The following DAO variants were observed in gnomAD, a reference collection of about 807,000 sequenced individuals.
DAO encodes D-amino-acid oxidase.
DAO carries 51 observed loss-of-function variants against 50.1 expected under a neutral mutation model. The ratio of observed to expected loss-of-function variants is 1.02; its 90% confidence interval spans 0.81 to 1.29. The LOEUF (loss-of-function observed/expected upper bound fraction) is 1.29, where lower values mean the gene tolerates loss of function less well. DAO is among the 50% of genes most tolerant of loss of function. The pLI is 0.00. For missense variants in DAO, 436 were observed against 439.4 expected (o/e 0.99, Z 0.07); for synonymous variants, 160 against 166.2 (o/e 0.96, Z 0.29).
At chr12:108,883,557 G>A in intron 1 of DAO, 1 of 453,742 alleles carries the variant, frequency 2.2e-6, no homozygotes, top group Non-Finnish European at 4.4e-6. Context: ...TGCCAGGCGT[G>A]GTACCAAGAA....
chr12:108,893,900 C>T (rs1026875764), intron 6 of DAO, among the ~76,000 whole-genome samples: 1 of 152,142 alleles, frequency 6.6e-6, no homozygotes, highest in African/African-American at 2.4e-5. Context: ...TCTCTGCTTC[C>T]TTTCTGACTT....
Position 108,899,551 on chromosome 12 carries a change from T to C in DAO, c.912+76T>C, listed in dbSNP as rs115068921. 1.4e-3 allele frequency: 1,765 copies of C among 1,260,554 alleles called. 26 individuals are homozygous for C. The African/African-American group carries it at 0.023, about 17-fold the overall frequency. 78.1% of individuals were successfully genotyped at this position (1,260,554 alleles called of 1,614,324 possible). A position where few individuals can be genotyped will look rare whatever the true frequency, so the allele number is the denominator to read the frequency against. On this transcript the variant is annotated intron_variant, in intron 10 of 10. Coordinates refer to ENST00000228476, the MANE Select transcript of DAO (RefSeq NM_001917.5). ...CTCTGGCATTTTCAGGGAACAGTCA[T>C]GTCTGATCTCAAGTTCCACACAGGC... is the stretch of plus-strand genomic sequence containing the variant.
rs868284288 is a variant in DAO, at chr12:108,898,882, G to A, written c.813+86G>A. 1.2e-4 allele frequency: 98 copies of A among 851,606 alleles called. No homozygotes were observed. In the Middle Eastern group the frequency reaches 5.5e-3, roughly 48 times the overall value. The allele number at this position is 851,606 out of a possible 1,614,324, so 52.8% of individuals were successfully genotyped here. Reference sequence around the variant, plus strand: ...CACTTCAGGACGGGAAGATGCCACCGCTGGGATAACTGGGCAAATTAATTC... The same window carrying A: ...CACTTCAGGACGGGAAGATGCCACCACTGGGATAACTGGGCAAATTAATTC... On this transcript the variant is annotated intron_variant, in intron 9 of 10. Coordinates refer to ENST00000228476, the MANE Select transcript of DAO (RefSeq NM_001917.5).
intron 1 of DAO, among the ~76,000 whole-genome samples, chr12:108,883,955 T>C (rs1470333961): frequency 6.6e-6 from 1 of 152,176 alleles, no homozygotes; most frequent in Admixed American, 6.5e-5. Flanking sequence ...GGAGGAGAGT[T>C]GTGAGTGAAG....
chr12:108,889,641 C>A, intron 4 of DAO, 96 bp downstream of exon 4: 2 of 947,184 alleles, frequency 2.1e-6, no homozygotes, highest in Non-Finnish European at 3.4e-6. Context: ...GATTTCCTGT[C>A]CTACCCAGGC....
At chr12:108,896,905 A>G (rs1388340695) in intron 7 of DAO, 101 bp from the exon 8 acceptor site, 2 of 868,510 alleles carry the variant, frequency 2.3e-6, no homozygotes, top group Non-Finnish European at 4.0e-6. Flanking sequence ...ATAAGGAATC[A>G]GCCTGGCCAC....
intron 2 of DAO, among the ~76,000 whole-genome samples, chr12:108,886,493 A>T (rs931852012): frequency 6.6e-6 from 1 of 151,992 alleles, no homozygotes; most frequent in Non-Finnish European, 1.5e-5. Flanking sequence ...AATTTTTAAG[A>T]GGCATCCTGT....
chr12:108,890,153 A>C (rs2039475441), intron 4 of DAO, 55 bp from the exon 5 acceptor site: 2 of 1,471,454 alleles, frequency 1.4e-6, no homozygotes, highest in Non-Finnish European at 1.9e-6. Context: ...CACAGCCTTC[A>C]AATATAGCTC....
intron 8 of DAO, 50 bp from the exon 9 acceptor site, chr12:108,898,629 C>T (rs1044625615): frequency 3.2e-6 from 4 of 1,263,716 alleles, no homozygotes; most frequent in Admixed American, 3.4e-5. Context: ...CTTTATTCAT[C>T]TCAGAGCCTT....
chr12:108,883,795 G>A (rs1310498621), intron 1 of DAO: 4 of 354,294 alleles, frequency 1.1e-5, no homozygotes, highest in Non-Finnish European at 2.3e-5. Context: ...CTGTTTGTTG[G>A]TTCTATCTCC....
Position 108,900,424 on chromosome 12 carries a change from T to G in DAO, c.933T>G (p.His311Gln), listed in dbSNP as rs1593169131. Residue 311 changes from histidine to glutamine, a missense_variant, in exon 11 of 11, where the codon CAT becomes CAG. Physicochemically the swap from His to Gln is conservative, Grantham distance 24. Transcript: ENST00000228476. Reference protein sequence around the residue: ...SNTEVIHNYGHGGYGLTIHWG... With the variant: ...SNTEVIHNYGQGGYGLTIHWG... ...CCTAGGTCATCCACAACTATGGCCA[T>G]GGAGGCTACGGGCTCACCATCCACT... 8 of 1,614,098 alleles carry G rather than the reference T, an allele frequency of 5.0e-6. No homozygotes were observed. The highest frequency in any genetic ancestry group is 6.8e-6 in the Non-Finnish European group (8 of 1,179,964).
intron 7 of DAO, 67 bp downstream of exon 7, chr12:108,894,434 C>T: frequency 8.1e-7 from 1 of 1,237,164 alleles, no homozygotes; most frequent in Non-Finnish European, 1.2e-6. Flanking sequence ...TTATTTCATC[C>T]CTCAAGATCA....
intron 6 of DAO, among the ~76,000 whole-genome samples, chr12:108,893,286 T>TCAGA (rs2039511724): frequency 6.6e-6 from 1 of 152,100 alleles, no homozygotes; most frequent in African/African-American, 2.4e-5. Context: ...CTCAATGAGT[T>TCAGA]TTGGGTCTAG....
intron 7 of DAO, 82 bp from the exon 8 acceptor site, chr12:108,896,924 G>A (rs1465098728): frequency 1.9e-6 from 2 of 1,030,044 alleles, no homozygotes; most frequent in African/African-American, 1.6e-5. Flanking sequence ...ACTCTTGTCA[G>A]GACATCTGGC....
At chr12:108,899,012 C>T (rs1025656244) in intron 9 of DAO, among the ~76,000 whole-genome samples, 1 of 152,146 alleles carries the variant, frequency 6.6e-6, no homozygotes, top group South Asian at 2.1e-4. Flanking sequence ...TTGGTTTTCA[C>T]ATTTGTCTGC....
At chr12:108,888,483 G>A (rs558010742) in intron 3 of DAO, among the ~76,000 whole-genome samples, 5 of 151,978 alleles carry the variant, frequency 3.3e-5, no homozygotes, top group East Asian at 1.9e-4. Flanking sequence ...TTACAGGTGC[G>A]CACTACCACG....
Position 108,899,400 on chromosome 12 carries a change from A to AGTTCGTTCATC in DAO, c.837_838insGTTCGTTCATC (p.Thr280ValfsTer16). 6.2e-7 allele frequency: 1 copy of AGTTCGTTCATC among 1,613,812 alleles called. No individual in the cohort carries two copies. The highest frequency in any genetic ancestry group is 8.5e-7 in the Non-Finnish European group (1 of 1,179,888). ...AGAATGCAAGAATTATTGGTGAACG[A>AGTTCGTTCATC]ACTGGCTTCCGGCCAGTACGCCCCC... On this transcript the variant is annotated frameshift_variant, in exon 10 of 11. Transcript: ENST00000228476. LOFTEE classifies it high-confidence loss of function.
At chr12:108,900,262 G>T in intron 10 of DAO, 142 bp from the exon 11 acceptor site, 1 of 1,037,038 alleles carries the variant, frequency 9.6e-7, no homozygotes, top group Non-Finnish European at 1.5e-6. Context: ...ATTCCACCCC[G>T]GTGCCAAGAG....
chr12:108,892,856 T>A lies in DAO; in HGVS notation c.453-126T>A, dbSNP rs745317029. On this transcript the variant is annotated intron_variant, in intron 5 of 10. Coordinates refer to ENST00000228476, the MANE Select transcript of DAO (RefSeq NM_001917.5). ...CTGATTTGATGACACAGCCATCTTC[T>A]CAAGCAGCATCCTGTGCAACTAACG... 169 of 822,916 alleles carry A rather than the reference T, an allele frequency of 2.1e-4. 1 individual carries two copies. The highest frequency in any genetic ancestry group is 2.1e-4 in the Non-Finnish European group (99 of 474,568). The allele number at this position is 822,916 out of a possible 1,614,324, so 51.0% of individuals were successfully genotyped here.
Sources: gnomAD v4.1 joint callset for allele counts (sites outside exome capture counted in the v4.1 genomes callset) on GRCh38, gnomAD v4.1.1 for gene constraint, MANE v1.5 for transcripts, NCBI Gene and HGNC (gene_info 2026-07-23, HGNC 2026-07-21) for gene names.